SNRPN: variants seen among roughly 807,000 people sequenced by gnomAD.
SNRPN encodes small nuclear ribonucleoprotein polypeptide N, also known as small nuclear ribonucleoprotein-associated protein N.
Under a neutral mutation model 25.2 loss-of-function variants are expected in SNRPN, and 7 were observed. The ratio of observed to expected loss-of-function variants is 0.28; its 90% CI spans 0.16 to 0.52. The LOEUF (loss-of-function observed/expected upper bound fraction) is 0.52. Ranked by LOEUF, SNRPN falls within the 20% of genes least tolerant of loss-of-function variation. The probability of loss-of-function intolerance (pLI) is 0.96; values close to 1 mark genes in which losing one functional copy is unlikely to be tolerated. For synonymous variants in SNRPN, 124 were observed against 110.6 expected (o/e 1.12, Z -0.76); for missense variants, 196 against 322.5 (o/e 0.61, Z 3.00).
intron 2 of SNRPN, among the ~76,000 whole-genome samples, chr15:24,830,991 T>C (rs989077491): frequency 6.6e-6 from 1 of 152,080 alleles, no homozygotes; most frequent in Non-Finnish European, 1.5e-5. Flanking sequence ...TTTTTCTGCT[T>C]GGTGGATCTG....
At chr15:24,903,557 G>A (rs1007075751) in intron 2 of SNRPN, among the ~76,000 whole-genome samples, 5 of 152,102 alleles carry the variant, frequency 3.3e-5, no homozygotes, top group African/African-American at 4.8e-5. Context: ...TGAATGTTTC[G>A]GCACAGGTTC....
At chr15:24,977,071 G>T (rs758259881) in intron 7 of SNRPN, 42 bp downstream of exon 7, 5 of 1,476,522 alleles carry the variant, frequency 3.4e-6, no homozygotes, top group Admixed American at 2.4e-5. Context: ...GGGAGAATAT[G>T]ACTAAGCCGG....
chr15:24,976,092 C>T (rs776379346), intron 5 of SNRPN, among the ~76,000 whole-genome samples: 2 of 152,272 alleles, frequency 1.3e-5, no homozygotes, highest in East Asian at 3.9e-4. Context: ...AAGGAACATT[C>T]TGTAAAAGAC....
intron 3 of SNRPN, among the ~76,000 whole-genome samples, chr15:24,971,675 C>T (rs149688088): frequency 2.2e-3 from 338 of 152,202 alleles, no homozygotes; most frequent in African/African-American, 7.8e-3. Flanking sequence ...TATCCTATTG[C>T]TCAAGGTCAT....
chr15:24,868,111 G>GTC (rs1491303523), intron 1 of SNRPN, among the ~76,000 whole-genome samples: 2 of 120,896 alleles, frequency 1.7e-5, no homozygotes, highest in African/African-American at 7.1e-5. Flanking sequence ...ATGTATATGG[G>GTC]TGTGTGTGTG....
At chr15:24,950,544 CTTTTTTTTTTTT>C (rs1024998270), upstream of SNRPN, among the ~76,000 whole-genome samples, 10 of 97,130 alleles carry the variant, frequency 1.0e-4, no homozygotes, top group East Asian at 5.9e-4. Context: ...GTTCTCATTT[CTTTTTTTTTTTT>C]TTTTTTTTTT....
chr15:24,921,117 A>T (rs918229112), intron 3 of SNRPN: 3 of 152,158 alleles, frequency 2.0e-5, no homozygotes, highest in Non-Finnish European at 4.4e-5. Context: ...ATAATATTCC[A>T]CTTGGCCAAG....
intron 3 of SNRPN, among the ~76,000 whole-genome samples, chr15:24,922,603 A>C (rs751820371): frequency 1.3e-5 from 2 of 152,172 alleles, no homozygotes; most frequent in African/African-American, 2.4e-5. Context: ...TCGTGATTAC[A>C]TACTTAAGCT....
At chr15:24,945,461 C>T (rs949872586) in intron 3 of SNRPN, among the ~76,000 whole-genome samples, 2 of 151,548 alleles carry the variant, frequency 1.3e-5, no homozygotes, top group East Asian at 3.9e-4. Flanking sequence ...ATCACTTGAG[C>T]CCAGGACTGC....
intron 2 of SNRPN, among the ~76,000 whole-genome samples, chr15:24,902,101 C>G (rs905541856): frequency 6.6e-6 from 1 of 152,096 alleles, no homozygotes; most frequent in African/African-American, 2.4e-5. Context: ...ATGGAAATAG[C>G]ATTTCCGTTG....
At chr15:24,911,142 C>T (rs1013312142) in intron 2 of SNRPN, 11 of 817,296 alleles carry the variant, frequency 1.3e-5, no homozygotes, top group South Asian at 1.1e-4. Context: ...GTGGGTAGGT[C>T]GTCAGTGCTG....
In SNRPN at chr15:24,929,896, A is replaced by G. The variant is rs972937712; in HGVS notation, c.-391+9772A>G. ...ACACATGTACATCTATTATGTATCAATAAAAAAATGGCCAGGCACGGTGGC... is the reference window on the plus strand; with the variant it reads ...ACACATGTACATCTATTATGTATCAGTAAAAAAATGGCCAGGCACGGTGGC... On this transcript the variant is annotated intron_variant, in intron 3 of 11. Transcript: ENST00000400097. The surrounding 1 kb of genome is among the most constrained non-coding windows in gnomAD (Gnocchi z 5.3). 4.6e-5 allele frequency among the ~76,000 whole-genome samples: 7 copies of G among 152,182 alleles called. No homozygotes were observed. The highest frequency in any genetic ancestry group is 8.8e-5 in the Non-Finnish European group (6 of 68,032).
At chr15:24,918,342 A>ATATATATAACATAATATATATGTG (rs749615940) in intron 2 of SNRPN, among the ~76,000 whole-genome samples, 13,207 of 46,740 alleles carry the variant, frequency 0.28, 3,667 homozygotes, top group Middle Eastern at 0.45. Context: ...ATATATGTGT[A>ATATATATAACATAATATATATGTG]TATATATATA....
At chr15:24,872,871 CAA>C (rs202062268) in intron 1 of SNRPN, among the ~76,000 whole-genome samples, 6,439 of 58,334 alleles carry the variant, frequency 0.11, 331 homozygotes, top group Admixed American at 0.2. Flanking sequence ...GACTCCGTCT[CAA>C]AAAAAAAAAA....
chr15:24,918,876 CATATATATATA>C lies in SNRPN; in HGVS notation c.-504-1133_-504-1123del, dbSNP rs2059814200. On this transcript the variant is annotated intron_variant, in intron 2 of 11. Transcript: ENST00000400097. ...ATATATATAACAATATATATATGTG[CATATATATATA>C]ACATAATATATATATGTGCACATAT... Among the ~76,000 whole-genome samples the C allele has an allele frequency of 4.5e-5, 5 of 110,716 alleles. 1 individual carries two copies. The highest frequency in any genetic ancestry group is 1.1e-4 in the African/African-American group (3 of 27,742). The allele number at this position is 110,716 out of a possible 152,430, so 72.6% of individuals were successfully genotyped here.
chr15:24,852,228 A>C (rs971870761), upstream of SNRPN: 3 of 152,218 alleles, frequency 2.0e-5, no homozygotes, highest in Non-Finnish European at 4.4e-5. Context: ...AGCAAACTAT[A>C]AACCTATCAA....
chr15:24,850,694 A>C (rs1390063569), intron 2 of SNRPN: 1 of 152,204 alleles, frequency 6.6e-6, no homozygotes, highest in African/African-American at 2.4e-5. Flanking sequence ...TGTCCAGAAA[A>C]AAAGTACAGA....
intron 3 of SNRPN, among the ~76,000 whole-genome samples, chr15:24,925,722 G>A (rs2060331091): frequency 6.7e-6 from 1 of 149,272 alleles, no homozygotes; most frequent in Non-Finnish European, 1.5e-5. Flanking sequence ...GGGACCATAG[G>A]TGCATACCAC....
intron 1 of SNRPN, among the ~76,000 whole-genome samples, chr15:24,877,714 C>T (rs932097142): frequency 6.6e-6 from 1 of 150,578 alleles, no homozygotes; most frequent in Admixed American, 6.6e-5. Flanking sequence ...TAGCCGGGCG[C>T]AGTGGCGCGC....
Sources: allele counts gnomAD v4.1 joint callset (sites outside exome capture counted in the v4.1 genomes callset), GRCh38; gene constraint gnomAD v4.1.1; non-coding constraint Gnocchi (gnomAD v3.1); transcripts MANE v1.5; gene names NCBI Gene and HGNC (gene_info 2026-07-23, HGNC 2026-07-21).